The following USP10 variants were observed in gnomAD, a reference collection of about 807,000 sequenced individuals.
USP10 encodes the protein ubiquitin specific peptidase 10.
In USP10, 22 loss-of-function variants were observed where a neutral mutation model predicts 84.5. The ratio of observed to expected loss-of-function variants is 0.26; its 90% CI spans 0.19 to 0.37. The LOEUF (loss-of-function observed/expected upper bound fraction) is 0.37, where lower values mean the gene tolerates loss of function less well. Ranked by LOEUF, USP10 falls within the 10% of genes least tolerant of loss-of-function variation. The pLI is 1.00. For missense variants in USP10, 1,019 were observed against 998.9 expected, an observed-to-expected ratio of 1.02 and a Z score of -0.27; for synonymous variants, 454 against 387.6, an observed-to-expected ratio of 1.17 and a Z score of -2.01.
Position 84,745,018 on chromosome 16 carries a change from C to A in USP10, c.537C>A (p.Gly179=). 1 of 1,613,808 alleles carries A rather than the reference C, an allele frequency of 6.2e-7. No homozygotes were observed. The part of the protein sequence containing the change: ...DSISTEALVN[G]HANSAVPNSV... ...TCTCCACAGAAGCCCTGGTCAATGG[C>A]CATGCCAATTCAGCAGTCCCGAACA... Residue 179 remains glycine (G), a synonymous_variant, in exon 4 of 14, where the codon GGC becomes GGA. Coordinates refer to ENST00000219473, the MANE Select transcript of USP10 (RefSeq NM_005153.3).
chr16:84,759,780 T>C, intron 6 of USP10, 111 bp from the exon 7 acceptor site: 2 of 1,151,274 alleles, frequency 1.7e-6, no homozygotes, highest in Non-Finnish European at 2.6e-6. Flanking sequence ...ATTGGTTACC[T>C]AAAATCTACT....
chr16:84,709,814 A>G (rs1167335397), intron 1 of USP10, among the ~76,000 whole-genome samples: 1 of 152,216 alleles, frequency 6.6e-6, no homozygotes, highest in Non-Finnish European at 1.5e-5. Flanking sequence ...GACTGTGCAG[A>G]GGAACTGTCT....
intron 4 of USP10, among the ~76,000 whole-genome samples, chr16:84,750,703 G>T (rs551889120): frequency 1.1e-4 from 17 of 152,246 alleles, no homozygotes; most frequent in Admixed American, 1.1e-3. Context: ...TTGATGTTTT[G>T]CTTTCAAAAT....
rs568125135 is a variant in USP10 at position 84,775,521 on chromosome 16, C to A, written c.2209+296C>A. On this transcript the variant is annotated intron_variant, in intron 13 of 13. Transcript: ENST00000219473. ...CAGGCTGGCTGTTTGAGAATGTGAC[C>A]TCTCCCGGCTGTGCTTGTGGCACCT... is the stretch of plus-strand genomic sequence containing the variant. Among the ~76,000 whole-genome samples, 19 of 152,298 alleles carry A rather than the reference C, an allele frequency of 1.2e-4. No homozygotes were observed. In the South Asian group the frequency reaches 3.9e-3, roughly 32 times the overall value.
At chr16:84,719,413 G>C (rs151266780) in intron 1 of USP10, among the ~76,000 whole-genome samples, 1 of 152,134 alleles carries the variant, frequency 6.6e-6, no homozygotes, top group Admixed American at 6.5e-5. Flanking sequence ...CTGTAAGTCA[G>C]AATCACACAG....
At chr16:84,741,392 T>C (rs895050556) in intron 3 of USP10, among the ~76,000 whole-genome samples, 6 of 152,242 alleles carry the variant, frequency 3.9e-5, no homozygotes, top group Non-Finnish European at 8.8e-5. Flanking sequence ...GATGTCAACC[T>C]CTCAGACATC....
chr16:84,746,019 T>A (rs1437292229), intron 4 of USP10, among the ~76,000 whole-genome samples: 1 of 152,232 alleles, frequency 6.6e-6, no homozygotes, highest in Non-Finnish European at 1.5e-5. Flanking sequence ...GGTATGATAA[T>A]CCTGATTTGT....
intron 1 of USP10, among the ~76,000 whole-genome samples, chr16:84,705,871 T>C (rs1165905793): frequency 6.6e-6 from 1 of 151,678 alleles, no homozygotes; most frequent in Admixed American, 6.6e-5. Context: ...AGGTGCCTGC[T>C]ACCACGCCCA....
chr16:84,736,816 T>G (rs1909987513), intron 2 of USP10, among the ~76,000 whole-genome samples: 1 of 151,976 alleles, frequency 6.6e-6, no homozygotes, highest in African/African-American at 2.4e-5. Context: ...TGAGAGGGAG[T>G]CTCGCTCTCT....
intron 1 of USP10, among the ~76,000 whole-genome samples, chr16:84,717,085 G>T (rs1002574063): frequency 1.3e-5 from 2 of 152,198 alleles, no homozygotes; most frequent in African/African-American, 4.8e-5. Flanking sequence ...TTTAGATTCA[G>T]TACACCTGGG....
At chr16:84,704,498 T>C (rs886584688) in intron 1 of USP10, among the ~76,000 whole-genome samples, 3 of 152,212 alleles carry the variant, frequency 2.0e-5, no homozygotes, top group African/African-American at 7.2e-5. Context: ...CAGAGACTTG[T>C]ATGTGCTTGG....
At chr16:84,743,571 C>T (rs1030579154) in intron 3 of USP10, among the ~76,000 whole-genome samples, 2 of 152,072 alleles carry the variant, frequency 1.3e-5, no homozygotes, top group African/African-American at 4.8e-5. Flanking sequence ...AAATTGGCCC[C>T]TTAATGCTAG....
At chr16:84,718,127 T>G (rs1597291640) in intron 1 of USP10, among the ~76,000 whole-genome samples, 1 of 152,346 alleles carries the variant, frequency 6.6e-6, no homozygotes, top group South Asian at 2.1e-4. Context: ...ATTGGAAGGT[T>G]ATTTTTGAGA....
intron 4 of USP10, among the ~76,000 whole-genome samples, chr16:84,751,324 C>T (rs1044246973): frequency 6.6e-6 from 1 of 152,178 alleles, no homozygotes; most frequent in Non-Finnish European, 1.5e-5. Context: ...GGCTGTGTAT[C>T]CTAAAACTGA....
intron 4 of USP10, among the ~76,000 whole-genome samples, chr16:84,749,615 A>G (rs1046152671): frequency 6.6e-6 from 1 of 152,068 alleles, no homozygotes; most frequent in Non-Finnish European, 1.5e-5. Context: ...TGCTTGGAAT[A>G]ATTTGTGTAT....
chr16:84,754,394 C>T (rs776681804), intron 4 of USP10, among the ~76,000 whole-genome samples: 4 of 152,114 alleles, frequency 2.6e-5, no homozygotes, highest in South Asian at 2.1e-4. Context: ...CTGCGTTTAA[C>T]GACGTCGTAC....
intron 12 of USP10, among the ~76,000 whole-genome samples, chr16:84,774,395 C>T (rs997096097): frequency 1.3e-5 from 2 of 152,132 alleles, no homozygotes; most frequent in Admixed American, 1.3e-4. Context: ...GCAGGGAGTT[C>T]CCGCCTCGTA....
intron 6 of USP10, 50 bp from the exon 7 acceptor site, chr16:84,759,841 G>A (rs551206879): frequency 6.4e-7 from 1 of 1,563,870 alleles, no homozygotes; most frequent in African/African-American, 1.4e-5. Context: ...TTTAGTAAAA[G>A]TATATATTGT....
chr16:84,703,962 GA>G (rs1368083386), intron 1 of USP10, among the ~76,000 whole-genome samples: 1 of 152,200 alleles, frequency 6.6e-6, no homozygotes, highest in African/African-American at 2.4e-5. Context: ...CTGTTACGTG[GA>G]ACTGATAGGA....
Sources: allele counts gnomAD v4.1 joint callset (sites outside exome capture counted in the v4.1 genomes callset), GRCh38; gene constraint gnomAD v4.1.1; transcripts MANE v1.5; gene names NCBI Gene and HGNC (gene_info 2026-07-23, HGNC 2026-07-21).